Variants in CEP112 observed in about 807,000 individuals in gnomAD.
CEP112 encodes centrosomal protein of 112 kDa.
Under a neutral mutation model 153.0 loss-of-function variants are expected in CEP112, and 127 were observed. That is an observed-to-expected ratio of 0.83 (90% CI 0.72 to 0.96). CEP112 has a LOEUF of 0.96. Among genes scored for constraint, CEP112 ranks in the 40% least tolerant of loss-of-function variants. The pLI is 0.00. For synonymous variants in CEP112, 358 were observed against 374.4 expected (o/e 0.96, Z 0.51); for missense variants, 1,089 against 1,101.2 (o/e 0.99, Z 0.16).
At chr17:65,803,540 T>C (rs564883022) in intron 21 of CEP112, among the ~76,000 whole-genome samples, 1 of 152,356 alleles carries the variant, frequency 6.6e-6, no homozygotes, top group South Asian at 2.1e-4. Context: ...AAAATGAACA[T>C]ACATCTAGCA....
intron 11 of CEP112, 151 bp from the exon 12 acceptor site, chr17:66,054,030 G>C: frequency 2.1e-6 from 1 of 472,566 alleles, no homozygotes. Context: ...AAACATTCAA[G>C]GTAAAGATAT....
chr17:65,961,135 C>T (rs2062184205), intron 18 of CEP112, among the ~76,000 whole-genome samples: 1 of 152,112 alleles, frequency 6.6e-6, no homozygotes. Flanking sequence ...TGAAGAAACA[C>T]AGACATGGTT....
At chr17:65,965,113 T>C (rs947971642) in intron 17 of CEP112, among the ~76,000 whole-genome samples, 6 of 152,224 alleles carry the variant, frequency 3.9e-5, no homozygotes, top group Non-Finnish European at 5.9e-5. Flanking sequence ...TTTCATTTAA[T>C]AGGATGAATC....
At chr17:66,106,331 T>TA (rs1403771390) in intron 6 of CEP112, among the ~76,000 whole-genome samples, 2 of 151,422 alleles carry the variant, frequency 1.3e-5, no homozygotes, top group South Asian at 2.1e-4. Context: ...AATGAAAATT[T>TA]AAAAAACACA....
chr17:65,758,083 A>G (rs1302993410), intron 21 of CEP112, among the ~76,000 whole-genome samples: 1 of 152,130 alleles, frequency 6.6e-6, no homozygotes, highest in Middle Eastern at 3.2e-3. Context: ...ATCCCTCAGC[A>G]TCGCAAGTAG....
chr17:65,934,996 C>T (rs1288108690), intron 18 of CEP112, among the ~76,000 whole-genome samples: 2 of 152,156 alleles, frequency 1.3e-5, no homozygotes, highest in Non-Finnish European at 2.9e-5. Flanking sequence ...TCATGAGACT[C>T]ACCCACTATC....
chr17:65,760,454 G>C (rs1024491360), intron 21 of CEP112, among the ~76,000 whole-genome samples: 3 of 151,978 alleles, frequency 2.0e-5, no homozygotes, highest in African/African-American at 7.2e-5. Context: ...AGTTTGCTGA[G>C]ATTTTTTTTC....
chr17:65,948,148 C>G (rs1004471911), intron 18 of CEP112, among the ~76,000 whole-genome samples: 2 of 152,162 alleles, frequency 1.3e-5, no homozygotes, highest in Non-Finnish European at 2.9e-5. Flanking sequence ...ATGCAAGGAA[C>G]TGACTAGCCA....
intron 12 of CEP112, 47 bp from the exon 13 acceptor site, chr17:66,030,070 C>A: frequency 6.5e-7 from 1 of 1,535,428 alleles, no homozygotes; most frequent in Non-Finnish European, 8.9e-7. Context: ...TCAGTTGTAA[C>A]ACTTTTGTAT....
chr17:65,922,813 T>C (rs910379582), intron 19 of CEP112, among the ~76,000 whole-genome samples: 3 of 152,230 alleles, frequency 2.0e-5, no homozygotes, highest in African/African-American at 4.8e-5. Context: ...ACCTCAATTA[T>C]ACTTTGTAAC....
At chr17:66,181,015 T>C (rs1399304147) in intron 2 of CEP112, among the ~76,000 whole-genome samples, 1 of 152,140 alleles carries the variant, frequency 6.6e-6, no homozygotes, top group Non-Finnish European at 1.5e-5. Flanking sequence ...AATACAAAAG[T>C]GAAACTGATA....
At chr17:66,158,206 A>T (rs1168968147) in intron 4 of CEP112, among the ~76,000 whole-genome samples, 1 of 152,228 alleles carries the variant, frequency 6.6e-6, no homozygotes, top group Non-Finnish European at 1.5e-5. Context: ...CCACAGTGTA[A>T]TCAAATTAGA....
intron 9 of CEP112, among the ~76,000 whole-genome samples, chr17:66,068,211 G>A (rs1011927561): frequency 4.6e-5 from 7 of 152,036 alleles, no homozygotes; most frequent in African/African-American, 1.4e-4. Flanking sequence ...TAATCAAGGG[G>A]AAAAAGGAAT....
chr17:65,741,024 A>G (rs1271242044), intron 23 of CEP112, among the ~76,000 whole-genome samples: 1 of 152,206 alleles, frequency 6.6e-6, no homozygotes, highest in Non-Finnish European at 1.5e-5. Context: ...GAGGCTCTCA[A>G]GTAAGACAGA....
chr17:66,121,843 A>T (rs1244394855), intron 6 of CEP112, among the ~76,000 whole-genome samples: 2 of 151,904 alleles, frequency 1.3e-5, no homozygotes, highest in Non-Finnish European at 2.9e-5. Context: ...AAATCTCTTT[A>T]TGATATTCTG....
chr17:65,799,378 C>A (rs1003533653), intron 21 of CEP112, among the ~76,000 whole-genome samples: 7 of 152,178 alleles, frequency 4.6e-5, no homozygotes, highest in African/African-American at 1.7e-4. Flanking sequence ...GGTTATATCT[C>A]ATGTCTGTCT....
intron 21 of CEP112, among the ~76,000 whole-genome samples, chr17:65,796,120 C>G (rs774708749): frequency 4.6e-5 from 7 of 152,144 alleles, no homozygotes; most frequent in Non-Finnish European, 8.8e-5. Context: ...TACATCTCTC[C>G]CAAGCTTTCT....
chr17:66,108,646 C>A (rs949791436), intron 6 of CEP112, among the ~76,000 whole-genome samples: 1 of 152,016 alleles, frequency 6.6e-6, no homozygotes, highest in Non-Finnish European at 1.5e-5. Context: ...GAAAATGAAA[C>A]CTTTGTACAG....
intron 18 of CEP112, among the ~76,000 whole-genome samples, chr17:65,949,831 T>C (rs1206413157): frequency 6.6e-6 from 1 of 152,170 alleles, no homozygotes; most frequent in Non-Finnish European, 1.5e-5. Flanking sequence ...TGGATAGGGT[T>C]CTTAAGGTTT....
Sources: allele counts gnomAD v4.1 joint callset (sites outside exome capture counted in the v4.1 genomes callset), GRCh38; gene constraint gnomAD v4.1.1; transcripts MANE v1.5; gene names NCBI Gene and HGNC (gene_info 2026-07-23, HGNC 2026-07-21).